The following PPP6R2 variants were observed in gnomAD, a reference collection of about 807,000 sequenced individuals.
PPP6R2 encodes protein phosphatase 6 regulatory subunit 2.
PPP6R2 carries 62 observed loss-of-function variants against 100.2 expected under a neutral mutation model. The ratio of observed to expected loss-of-function variants is 0.62; its 90% confidence interval spans 0.50 to 0.76. The LOEUF (loss-of-function observed/expected upper bound fraction) is 0.76. PPP6R2 is among the 30% of genes least tolerant of loss of function. The pLI, the probability that PPP6R2 is intolerant of heterozygous loss-of-function variation, is 0.00. For synonymous variants in PPP6R2, 525 were observed against 514.7 expected, an observed-to-expected ratio of 1.02 and a Z score of -0.27; for missense variants, 1,142 against 1,276.3, an observed-to-expected ratio of 0.89 and a Z score of 1.60.
chr22:50,376,670 C>T (rs971317257), intron 2 of PPP6R2, among the ~76,000 whole-genome samples: 6 of 151,828 alleles, frequency 4.0e-5, no homozygotes, highest in Non-Finnish European at 8.8e-5. Context: ...GCAATCTGCC[C>T]ACCTCGGCCT....
chr22:50,388,479 T>G (rs1350399874), intron 2 of PPP6R2, among the ~76,000 whole-genome samples: 1 of 151,016 alleles, frequency 6.6e-6, no homozygotes, highest in Non-Finnish European at 1.5e-5. Context: ...TGTGGGAGGG[T>G]TGCTTAAGCC....
chr22:50,404,363 G>A (rs1439187468), intron 3 of PPP6R2, among the ~76,000 whole-genome samples: 2 of 151,814 alleles, frequency 1.3e-5, no homozygotes, highest in Admixed American at 6.6e-5. Flanking sequence ...TCAAAGTGCT[G>A]GGATTACAGG....
chr22:50,389,898 C>T (rs2055081908), intron 2 of PPP6R2, among the ~76,000 whole-genome samples: 1 of 151,588 alleles, frequency 6.6e-6, no homozygotes, highest in African/African-American at 2.4e-5. Context: ...CTGATGTGAT[C>T]ATTTTTGAGT....
chr22:50,393,774 G>T lies in PPP6R2; in HGVS notation c.-16-119G>T. ...GATGGACTTCCAGGACTTGGGTCTAGTGTTGCTGAGGGTGGATCTGCAGAG... is the reference window on the plus strand; with the variant it reads ...GATGGACTTCCAGGACTTGGGTCTATTGTTGCTGAGGGTGGATCTGCAGAG... On this transcript the variant is annotated intron_variant, in intron 2 of 23. Coordinates refer to ENST00000612753, the MANE Select transcript of PPP6R2 (RefSeq NM_001242898.2). 2.0e-6 allele frequency: 3 copies of T among 1,521,026 alleles called. No homozygotes were observed. The Admixed American group carries it at 6.0e-5, about 30-fold the overall frequency. 94.2% of individuals were successfully genotyped at this position (1,521,026 alleles called of 1,614,324 possible).
At chr22:50,337,328 G>A in the PPP6R2 span, among the ~76,000 whole-genome samples, 4 of 142,366 alleles carry the variant, frequency 2.8e-5, no homozygotes, top group African/African-American at 5.2e-5. Flanking sequence ...ATGTGTGTGT[G>A]GTGTGTGTGT....
intron 3 of PPP6R2, among the ~76,000 whole-genome samples, chr22:50,400,258 T>A (rs2057801064): frequency 6.6e-6 from 1 of 152,212 alleles, no homozygotes; most frequent in South Asian, 2.1e-4. Context: ...CCACTGACCA[T>A]CCACTCCACA....
At position 50,444,428 on chromosome 22, in the gene PPP6R2, G is replaced by C. The variant is rs1193773400; in HGVS notation, c.*181G>C. 1.3e-6 allele frequency: 1 copy of C among 779,760 alleles called. No homozygotes were observed. Among genetic ancestry groups the C allele is most frequent in the Admixed American group, 2.9e-5 (1 of 34,040 alleles). 48.3% of individuals were successfully genotyped at this position (779,760 alleles called of 1,614,324 possible). The stretch of plus-strand genomic sequence containing the variant: ...CAGCTTGCGTCTCTTCTGCCTGAGT[G>C]GGCCTCTCAGGTCACTCGTGCCCTG... On this transcript the variant is annotated 3_prime_UTR_variant, in exon 24 of 24. Coordinates refer to ENST00000612753, the MANE Select transcript of PPP6R2 (RefSeq NM_001242898.2).
chr22:50,393,320 G>C, intron 2 of PPP6R2: 1 of 896,666 alleles, frequency 1.1e-6, no homozygotes. Context: ...GGGAGGCAGA[G>C]GAGTGAGCGC....
intron 1 of PPP6R2, among the ~76,000 whole-genome samples, chr22:50,365,764 C>T (rs1369652929): frequency 6.6e-6 from 1 of 150,926 alleles, no homozygotes; most frequent in African/African-American, 2.4e-5. Context: ...TCTGTTTGCT[C>T]TGTCACTCAG....
chr22:50,442,832 G>A (rs745422040), intron 22 of PPP6R2, among the ~76,000 whole-genome samples: 3 of 151,148 alleles, frequency 2.0e-5, no homozygotes, highest in Non-Finnish European at 4.4e-5. Flanking sequence ...GATTACAGGT[G>A]TGAGCCACCG....
At chr22:50,442,319 C>A (rs1361919625) in intron 22 of PPP6R2, among the ~76,000 whole-genome samples, 1 of 152,208 alleles carries the variant, frequency 6.6e-6, no homozygotes, top group Admixed American at 6.5e-5. Flanking sequence ...GGCTGGCTCT[C>A]CCCGCCCTGT....
At chr22:50,389,088 C>G (rs1227263634) in intron 2 of PPP6R2, 1 of 152,212 alleles carries the variant, frequency 6.6e-6, no homozygotes, top group African/African-American at 2.4e-5. Flanking sequence ...AGCTGAACTT[C>G]AAGTTCCTTT....
intron 2 of PPP6R2, chr22:50,393,593 G>A: frequency 1.0e-6 from 1 of 967,396 alleles, no homozygotes; most frequent in Non-Finnish European, 1.2e-6. Flanking sequence ...ACCTGGGGAG[G>A]CAGGTCCTGG....
chr22:50,381,248 C>T (rs2052870589), intron 2 of PPP6R2, among the ~76,000 whole-genome samples: 1 of 151,106 alleles, frequency 6.6e-6, no homozygotes, highest in Admixed American at 6.6e-5. Flanking sequence ...ACGGGCCCCA[C>T]CTCAGCATCA....
At chr22:50,400,649 G>A (rs1358884636) in intron 3 of PPP6R2, among the ~76,000 whole-genome samples, 1 of 152,200 alleles carries the variant, frequency 6.6e-6, no homozygotes, top group African/African-American at 2.4e-5. Context: ...TGAGCCAAGA[G>A]AGTTTCATAG....
At chr22:50,358,661 C>G (rs1173505888) in intron 1 of PPP6R2, among the ~76,000 whole-genome samples, 2 of 152,196 alleles carry the variant, frequency 1.3e-5, no homozygotes, top group Non-Finnish European at 2.9e-5. Context: ...TTTCCTTCCA[C>G]TCTATCCTTT....
At chr22:50,443,802 G>A in intron 22 of PPP6R2, 64 bp from the exon 23 acceptor site, 3 of 1,503,886 alleles carry the variant, frequency 2.0e-6, no homozygotes, top group Non-Finnish European at 1.8e-6. Context: ...TGGTCCTTGG[G>A]CATGAGGCGG....
intron 2 of PPP6R2, among the ~76,000 whole-genome samples, chr22:50,376,698 A>T: frequency 6.6e-6 from 1 of 152,032 alleles, no homozygotes. Flanking sequence ...TACTGGAATT[A>T]CAGGCGTGAT....
chr22:50,342,000 A>T (rs1330312001), upstream of PPP6R2, among the ~76,000 whole-genome samples: 1 of 151,476 alleles, frequency 6.6e-6, no homozygotes, highest in East Asian at 1.9e-4. Flanking sequence ...CTCAAAAAAA[A>T]AAAAGAGGAG....
Sources: allele counts gnomAD v4.1 joint callset (sites outside exome capture counted in the v4.1 genomes callset), GRCh38; gene constraint gnomAD v4.1.1; transcripts MANE v1.5; gene names NCBI Gene and HGNC (gene_info 2026-07-23, HGNC 2026-07-21).